The following MSI2 variants were observed in gnomAD, a reference collection of about 807,000 sequenced individuals.
The protein encoded by MSI2 is RNA-binding protein Musashi homolog 2.
In MSI2, 17 loss-of-function variants were observed where a neutral mutation model predicts 45.6. The ratio of observed to expected loss-of-function variants is 0.37; its 90% CI spans 0.26 to 0.56. MSI2 has a LOEUF of 0.56. Among genes scored for constraint, MSI2 ranks in the 20% least tolerant of loss-of-function variants. The probability of loss-of-function intolerance (pLI) is 0.77; values close to 1 mark genes in which losing one functional copy is unlikely to be tolerated. For missense variants in MSI2, 293 were observed against 444.2 expected (o/e 0.66, Z 3.06); for synonymous variants, 156 against 158.2 (o/e 0.99, Z 0.11).
intron 10 of MSI2, among the ~76,000 whole-genome samples, chr17:57,647,623 G>A (rs1057183248): frequency 1.3e-5 from 2 of 151,874 alleles, no homozygotes; most frequent in African/African-American, 4.8e-5. Flanking sequence ...CATCACAATG[G>A]CAGGTGTCAC....
chr17:57,552,664 T>C lies in MSI2; in HGVS notation c.454+22940T>C, dbSNP rs1567895042. ...AAGTTTTTCTACAACCAGAAGGTGA[T>C]TCTCTGGCTTCTGAGCTTCACCCAA... is the stretch of plus-strand genomic sequence containing the variant. On this transcript the variant is annotated intron_variant, in intron 7 of 13. Transcript: ENST00000284073. This position sits in a 1 kb window ranked among gnomAD's most constrained non-coding sequence, Gnocchi z 4.3. Among the ~76,000 whole-genome samples, 1 of 152,204 alleles carries C rather than the reference T, an allele frequency of 6.6e-6. No individual in the cohort carries two copies. The highest frequency in any genetic ancestry group is 1.5e-5 in the Non-Finnish European group (1 of 68,032).
the MSI2 span, among the ~76,000 whole-genome samples, chr17:57,696,366 T>C: frequency 1.3e-5 from 2 of 152,180 alleles, no homozygotes; most frequent in Admixed American, 1.3e-4. Context: ...CAAACATTTA[T>C]TGAGTACTTA....
intron 11 of MSI2, among the ~76,000 whole-genome samples, chr17:57,662,269 G>A (rs535639995): frequency 9.9e-5 from 15 of 152,268 alleles, no homozygotes; most frequent in East Asian, 3.9e-4. Flanking sequence ...CACCACGATG[G>A]CAGCCACTCC....
At chr17:57,538,543 T>G (rs1375004811) in intron 7 of MSI2, among the ~76,000 whole-genome samples, 1 of 152,112 alleles carries the variant, frequency 6.6e-6, no homozygotes, top group Non-Finnish European at 1.5e-5. Flanking sequence ...GTTAAATGAT[T>G]CCGCTTGCGA....
intron 4 of MSI2, 164 bp from the exon 5 acceptor site, chr17:57,261,987 G>T (rs1465293383): frequency 1.2e-5 from 8 of 670,480 alleles, no homozygotes; most frequent in Non-Finnish European, 2.0e-5. Flanking sequence ...TGGAGGGATG[G>T]TTAAAGTTGA....
chr17:57,619,612 T>G (rs919481509), intron 9 of MSI2, among the ~76,000 whole-genome samples: 2 of 151,976 alleles, frequency 1.3e-5, no homozygotes, highest in Non-Finnish European at 2.9e-5. Flanking sequence ...TGTGGGAAGG[T>G]GGGGAGAGGC....
At position 57,529,612 on chromosome 17, in the gene MSI2, T is replaced by A. The variant is rs754838162; in HGVS notation, c.406-64T>A. The A allele has an allele frequency of 1.8e-4, 252 of 1,425,726 alleles. No individual in the cohort carries two copies. The highest frequency in any genetic ancestry group is 7.0e-4 in the Middle Eastern group (4 of 5,686). The allele number at this position is 1,425,726 out of a possible 1,614,324, so 88.3% of individuals were successfully genotyped here. On this transcript the variant is annotated intron_variant, in intron 6 of 13. Coordinates refer to ENST00000284073, the MANE Select transcript of MSI2 (RefSeq NM_138962.4). This position sits in a 1 kb window ranked among gnomAD's most constrained non-coding sequence, Gnocchi z 5.3. ...CTACCCCCTCACCCCCCGACATGCA[T>A]ATAATGTTTTGTGTACTTTCTTAAA...
Position 57,605,009 on chromosome 17 carries a change from T to C in MSI2, c.537+8059T>C, listed in dbSNP as rs141092667. 1.9e-3 allele frequency among the ~76,000 whole-genome samples: 294 copies of C among 152,316 alleles called. 1 individual carries two copies. The highest frequency in any genetic ancestry group is 6.5e-3 in the African/African-American group (272 of 41,574). On this transcript the variant is annotated intron_variant, in intron 8 of 13. Transcript: ENST00000284073. ...GGGTGGAATTAACTAGGCTTCTGTATTCACAATCCTATTTGTAGCATCATT... is the reference window on the plus strand; with the variant it reads ...GGGTGGAATTAACTAGGCTTCTGTACTCACAATCCTATTTGTAGCATCATT...
chr17:57,318,254 A>G (rs74797335), intron 5 of MSI2, among the ~76,000 whole-genome samples: 9,137 of 152,200 alleles, frequency 0.06, 458 homozygotes, highest in East Asian at 0.19. Context: ...GAGGAGGACC[A>G]TAGAGGTGAG....
intron 11 of MSI2, among the ~76,000 whole-genome samples, chr17:57,655,292 T>A (rs991666812): frequency 6.6e-6 from 1 of 152,212 alleles, no homozygotes; most frequent in Non-Finnish European, 1.5e-5. Context: ...GTCGAGAGTT[T>A]GTTTGTTTAT....
chr17:57,391,309 C>A (rs1432669574), intron 5 of MSI2, among the ~76,000 whole-genome samples: 1 of 152,132 alleles, frequency 6.6e-6, no homozygotes. Context: ...TACGATTTCA[C>A]ATTTGTTGTT....
At chr17:57,623,927 G>A (rs1179530982) in intron 9 of MSI2, among the ~76,000 whole-genome samples, 2 of 152,206 alleles carry the variant, frequency 1.3e-5, no homozygotes, top group South Asian at 2.1e-4. Flanking sequence ...GATGTTCGGC[G>A]ATTGGGGGTG....
In MSI2 at chr17:57,507,182, G is replaced by T. The variant is rs979609301; in HGVS notation, c.406-22494G>T. 9.4e-5 allele frequency among the ~76,000 whole-genome samples: 14 copies of T among 148,494 alleles called. 1 individual carries two copies. Among genetic ancestry groups the T allele is most frequent in the African/African-American group, 2.1e-4 (8 of 38,878 alleles). Reference sequence around the variant, plus strand: ...CTGTTTCTCTGTGTGTGTTGGGGGGGGGGGGTGTAAATCTCTTCCCATTGG... The same window carrying T: ...CTGTTTCTCTGTGTGTGTTGGGGGGTGGGGGTGTAAATCTCTTCCCATTGG... On this transcript the variant is annotated intron_variant, in intron 6 of 13. Transcript: ENST00000284073.
At chr17:57,557,185 G>A (rs922302605) in intron 7 of MSI2, among the ~76,000 whole-genome samples, 11 of 152,212 alleles carry the variant, frequency 7.2e-5, no homozygotes, top group Admixed American at 1.3e-4. Context: ...CTTAAGAAAC[G>A]TTAACGATGA....
intron 5 of MSI2, among the ~76,000 whole-genome samples, chr17:57,273,803 A>G (rs748701231): frequency 2.0e-4 from 31 of 152,220 alleles, no homozygotes; most frequent in Non-Finnish European, 4.3e-4. Flanking sequence ...GTCTTTCCCC[A>G]AGCTATAAAG....
intron 5 of MSI2, among the ~76,000 whole-genome samples, chr17:57,355,257 G>A (rs1916330214): frequency 6.6e-6 from 1 of 152,206 alleles, no homozygotes; most frequent in African/African-American, 2.4e-5. Context: ...GATTCTGGAT[G>A]CACATAGGAG....
intron 7 of MSI2, among the ~76,000 whole-genome samples, chr17:57,571,621 G>A (rs2087880348): frequency 6.6e-6 from 1 of 152,126 alleles, no homozygotes; most frequent in Admixed American, 6.5e-5. Flanking sequence ...TTTCCTCTTG[G>A]GTTAAAATGG....
At chr17:57,406,444 CTT>C (rs1296593520) in intron 6 of MSI2, among the ~76,000 whole-genome samples, 4 of 152,198 alleles carry the variant, frequency 2.6e-5, no homozygotes, top group Admixed American at 2.6e-4. Flanking sequence ...GGCCTTTAAA[CTT>C]AATGAATTCT....
chr17:57,555,454 G>A lies in MSI2; in HGVS notation c.454+25730G>A, dbSNP rs188632079. Among the ~76,000 whole-genome samples the A allele has an allele frequency of 4.0e-3, 603 of 152,252 alleles. 6 individuals are homozygous for A. Among genetic ancestry groups the A allele is most frequent in the African/African-American group, 0.014 (587 of 41,550 alleles). On this transcript the variant is annotated intron_variant, in intron 7 of 13. Coordinates refer to ENST00000284073, the MANE Select transcript of MSI2 (RefSeq NM_138962.4). Reference sequence around the variant, plus strand: ...GAGCCTACCTCTCCATTCCCTGTCCGCTGGGGTTCCCTGCTCAGCGCAGCA... The same window carrying A: ...GAGCCTACCTCTCCATTCCCTGTCCACTGGGGTTCCCTGCTCAGCGCAGCA...
Sources: allele counts gnomAD v4.1 joint callset (sites outside exome capture counted in the v4.1 genomes callset), GRCh38; gene constraint gnomAD v4.1.1; non-coding constraint Gnocchi (gnomAD v3.1); transcripts MANE v1.5; gene names NCBI Gene and HGNC (gene_info 2026-07-23, HGNC 2026-07-21).